Variants in INTS12 observed in about 807,000 individuals in gnomAD.
The protein encoded by INTS12 is PHD finger protein 22.
A neutral mutation model predicts 41.6 loss-of-function variants in INTS12; 13 were observed. That is an observed-to-expected ratio of 0.31 (90% CI 0.20 to 0.50). The LOEUF (loss-of-function observed/expected upper bound fraction) is 0.50. INTS12 is among the 20% of genes least tolerant of loss of function. The pLI, the probability that INTS12 is intolerant of heterozygous loss-of-function variation, is 0.98. For missense variants in INTS12, 432 were observed against 541.6 expected, an observed-to-expected ratio of 0.80 and a Z score of 2.01; for synonymous variants, 199 against 191.4, an observed-to-expected ratio of 1.04 and a Z score of -0.33.
At chr4:105,688,090 G>A (rs552155632) in intron 6 of INTS12, among the ~76,000 whole-genome samples, 13 of 152,312 alleles carry the variant, frequency 8.5e-5, no homozygotes, top group Non-Finnish European at 1.6e-4. Context: ...GGTGGGTTAT[G>A]AGGATGAATT....
intron 7 of INTS12, 65 bp downstream of exon 7, chr4:105,686,627 G>A: frequency 1.6e-6 from 2 of 1,279,472 alleles, no homozygotes; most frequent in Non-Finnish European, 2.2e-6. Flanking sequence ...TTTTTATCAA[G>A]CAACTATTTT....
chr4:105,699,126 C>CT (rs1172916885), intron 3 of INTS12, among the ~76,000 whole-genome samples: 1 of 152,130 alleles, frequency 6.6e-6, no homozygotes, highest in Admixed American at 6.5e-5. Context: ...AATAAACAGA[C>CT]TAAGTGAAAT....
chr4:105,684,357 G>A (rs1338625951), intron 7 of INTS12, among the ~76,000 whole-genome samples: 1 of 151,796 alleles, frequency 6.6e-6, no homozygotes, highest in African/African-American at 2.4e-5. Flanking sequence ...TCACATATAG[G>A]TAAAAGATAA....
At chr4:105,706,740 G>C (rs189260758) in intron 1 of INTS12, among the ~76,000 whole-genome samples, 1 of 151,734 alleles carries the variant, frequency 6.6e-6, no homozygotes, top group Non-Finnish European at 1.5e-5. Context: ...CCTTCACTGA[G>C]TCTTTCCCTA....
At chr4:105,701,454 T>A (rs1478216593) in intron 2 of INTS12, among the ~76,000 whole-genome samples, 1 of 152,122 alleles carries the variant, frequency 6.6e-6, no homozygotes, top group Non-Finnish European at 1.5e-5. Context: ...CTTCTTAAAA[T>A]TATATTATTA....
chr4:105,708,089 A>C (rs28391170), intron 1 of INTS12: 166,542 of 985,206 alleles, frequency 0.17, 17,316 homozygotes, highest in African/African-American at 0.48. Flanking sequence ...AATAAACATT[A>C]TTTTAAAGAT....
intron 3 of INTS12, among the ~76,000 whole-genome samples, chr4:105,698,255 A>G (rs1348771518): frequency 4.6e-5 from 7 of 152,204 alleles, no homozygotes; most frequent in Non-Finnish European, 8.8e-5. Flanking sequence ...GTTAGAATAC[A>G]CTTGGAGACC....
intron 1 of INTS12, chr4:105,707,842 G>T: frequency 4.4e-6 from 2 of 454,760 alleles, no homozygotes; most frequent in Non-Finnish European, 2.9e-6. Flanking sequence ...AGGCTTCTGT[G>T]ATCTCTCCAG....
chr4:105,702,895 C>T, intron 2 of INTS12: 1 of 984,384 alleles, frequency 1.0e-6, no homozygotes, highest in Non-Finnish European at 1.2e-6. Flanking sequence ...CCTTTACTCC[C>T]CCTTTTCTGT....
intron 2 of INTS12, among the ~76,000 whole-genome samples, chr4:105,700,706 A>AACACACACACACACACACAC (rs767514862): frequency 0.02 from 2,711 of 134,678 alleles, 43 homozygotes; most frequent in Middle Eastern, 0.033. Flanking sequence ...ATCTACTTAA[A>AACACACACACACACACACAC]ACACACACAC....
chr4:105,684,210 C>T (rs1464761578), intron 7 of INTS12, among the ~76,000 whole-genome samples: 1 of 152,250 alleles, frequency 6.6e-6, no homozygotes, highest in African/African-American at 2.4e-5. Flanking sequence ...ACATATTGCT[C>T]TTGTTCACAC....
chr4:105,695,902 G>A (rs552038564), intron 3 of INTS12, among the ~76,000 whole-genome samples: 19 of 152,178 alleles, frequency 1.2e-4, no homozygotes, highest in South Asian at 2.1e-4. Flanking sequence ...AGGCTGGAGT[G>A]GAGTGCTGTG....
intron 7 of INTS12, among the ~76,000 whole-genome samples, chr4:105,685,083 G>T (rs1478964019): frequency 6.6e-6 from 1 of 152,036 alleles, no homozygotes; most frequent in African/African-American, 2.4e-5. Flanking sequence ...AATTTCTCAA[G>T]TTTTTAACTA....
intron 6 of INTS12, among the ~76,000 whole-genome samples, chr4:105,689,897 C>A (rs553476734): frequency 4.7e-4 from 71 of 152,192 alleles, no homozygotes; most frequent in African/African-American, 1.6e-3. Flanking sequence ...CAGAGTGAGA[C>A]CCTGTCTCAG....
chr4:105,696,511 C>T (rs1731873578), intron 3 of INTS12, among the ~76,000 whole-genome samples: 1 of 152,114 alleles, frequency 6.6e-6, no homozygotes, highest in South Asian at 2.1e-4. Flanking sequence ...TTTTGAGATT[C>T]ATCCATGTTG....
chr4:105,708,011 T>C (rs557097990), intron 1 of INTS12: 2 of 985,474 alleles, frequency 2.0e-6, no homozygotes, highest in East Asian at 2.3e-4. Flanking sequence ...AGTATTATCG[T>C]TGCCATTTCA....
Position 105,682,968 on chromosome 4 carries a change from A to G in INTS12, c.1154T>C (p.Val385Ala), listed in dbSNP as rs1340284225. The change falls in exon 8 of 8, where the codon GTA becomes GCA. Residue 385 changes from valine to alanine, a missense_variant. Val to Ala is a moderately conservative substitution (Grantham distance 64, BLOSUM62 0). This residue lies in a region of INTS12 where 258 missense variants were observed against 309.9 expected (regional missense o/e 0.83). Coordinates refer to ENST00000340139, the MANE Select transcript of INTS12 (RefSeq NM_020395.4). The stretch of plus-strand genomic sequence containing the variant: ...TAAACTACTTGGACTAGGAAGACCT[A>G]CTTTGCTGACATTGTCACAACTAAC... ...RSVSCDNVSK[V>A]GLPSPSSLVP... 1.2e-6 allele frequency: 2 copies of G among 1,614,134 alleles called. No individual in the cohort carries two copies. The highest frequency in any genetic ancestry group is 1.7e-6 in the Non-Finnish European group (2 of 1,179,972).
At chr4:105,708,609 C>A in intron 1 of INTS12, 29 bp downstream of exon 1, 4 of 985,170 alleles carry the variant, frequency 4.1e-6, no homozygotes, top group Non-Finnish European at 4.8e-6. Flanking sequence ...TCCAGGAGGC[C>A]AGGAGCAGAG....
intron 4 of INTS12, among the ~76,000 whole-genome samples, chr4:105,695,130 T>A (rs1360845854): frequency 6.7e-6 from 1 of 150,026 alleles, no homozygotes; most frequent in Non-Finnish European, 1.5e-5. Context: ...GGTTTCATCA[T>A]GTTGCCCAGG....
Sources: allele counts gnomAD v4.1 joint callset (sites outside exome capture counted in the v4.1 genomes callset), GRCh38; gene constraint gnomAD v4.1.1; regional missense constraint gnomAD v4.1.1; transcripts MANE v1.5; gene names NCBI Gene and HGNC (gene_info 2026-07-23, HGNC 2026-07-21).